Variants in NSMCE2 observed in about 807,000 individuals in gnomAD.
NSMCE2 encodes the protein NSE2 SUMO ligase component of SMC5/6 complex, also known as E3 SUMO-protein ligase NSE2.
A neutral mutation model predicts 23.8 loss-of-function variants in NSMCE2; 24 were observed. That is an observed-to-expected ratio of 1.01 (90% CI 0.73 to 1.42). The LOEUF is 1.42. Among genes scored for constraint, NSMCE2 ranks in the 40% most tolerant of loss-of-function variants. The probability of loss-of-function intolerance (pLI) is 0.00; values close to 1 mark genes in which losing one functional copy is unlikely to be tolerated. For synonymous variants in NSMCE2, 92 were observed against 94.1 expected, an observed-to-expected ratio of 0.98 and a Z score of 0.13; for missense variants, 284 against 296.5, an observed-to-expected ratio of 0.96 and a Z score of 0.31.
At chr8:125,260,718 A>G (rs1196559496) in intron 5 of NSMCE2, among the ~76,000 whole-genome samples, 1 of 151,580 alleles carries the variant, frequency 6.6e-6, no homozygotes, top group African/African-American at 2.4e-5. Context: ...TCCACCTCCC[A>G]GGTTCAAGTG....
At chr8:125,121,275 G>A (rs1819250272) in intron 3 of NSMCE2, among the ~76,000 whole-genome samples, 1 of 152,172 alleles carries the variant, frequency 6.6e-6, no homozygotes, top group African/African-American at 2.4e-5. Context: ...GACAGCAGTG[G>A]CAGATTTTAC....
chr8:125,117,796 A>G (rs1327571442), intron 3 of NSMCE2, among the ~76,000 whole-genome samples: 1 of 152,154 alleles, frequency 6.6e-6, no homozygotes, highest in Admixed American at 6.5e-5. Context: ...TGTTCATCTG[A>G]TGTCTTCAGA....
chr8:125,143,041 G>T (rs1396441134), intron 3 of NSMCE2, among the ~76,000 whole-genome samples: 1 of 152,062 alleles, frequency 6.6e-6, no homozygotes, highest in Non-Finnish European at 1.5e-5. Flanking sequence ...TTCAACTCCT[G>T]ATAAATATGT....
intron 5 of NSMCE2, among the ~76,000 whole-genome samples, chr8:125,225,563 A>G (rs1009553609): frequency 6.6e-6 from 1 of 152,184 alleles, no homozygotes; most frequent in African/African-American, 2.4e-5. Context: ...GAAAGTTCAA[A>G]GTCTAAGGGT....
chr8:125,154,787 A>G (rs1020905831), intron 4 of NSMCE2, among the ~76,000 whole-genome samples: 1 of 152,142 alleles, frequency 6.6e-6, no homozygotes, highest in African/African-American at 2.4e-5. Context: ...TTTTTTAATC[A>G]CTATTACTGC....
chr8:125,123,353 A>T (rs910970878), intron 3 of NSMCE2, among the ~76,000 whole-genome samples: 2 of 152,222 alleles, frequency 1.3e-5, no homozygotes, highest in Non-Finnish European at 2.9e-5. Flanking sequence ...ACTAAGTTCC[A>T]CAATATTTAC....
At chr8:125,361,119 T>G (rs1348557322) in intron 7 of NSMCE2, among the ~76,000 whole-genome samples, 1 of 149,996 alleles carries the variant, frequency 6.7e-6, no homozygotes, top group African/African-American at 2.5e-5. Flanking sequence ...TGAGACAGAG[T>G]CTCACTCTGT....
At position 125,171,373 on chromosome 8, in the gene NSMCE2, T is replaced by C. The variant is rs1014860150; in HGVS notation, c.265-10730T>C. Among the ~76,000 whole-genome samples, 6 of 152,252 alleles carry C rather than the reference T, an allele frequency of 3.9e-5. 1 individual carries two copies. Among genetic ancestry groups the C allele is most frequent in the African/African-American group, 1.4e-4 (6 of 41,466 alleles). ...GAAGTCTAGGGTTAGTAGTATGTCATGGACTTAGCGATATAACAGACCTGC... is the reference window on the plus strand; with the variant it reads ...GAAGTCTAGGGTTAGTAGTATGTCACGGACTTAGCGATATAACAGACCTGC... On this transcript the variant is annotated intron_variant, in intron 4 of 7. Coordinates refer to ENST00000287437, the MANE Select transcript of NSMCE2 (RefSeq NM_173685.4).
At chr8:125,107,322 T>A (rs1433638379) in intron 3 of NSMCE2, among the ~76,000 whole-genome samples, 1 of 151,522 alleles carries the variant, frequency 6.6e-6, no homozygotes, top group Admixed American at 6.6e-5. Context: ...GAGTCCTGAG[T>A]AGCTCGGATT....
At chr8:125,343,993 G>A (rs1377495968) in intron 5 of NSMCE2, among the ~76,000 whole-genome samples, 1 of 152,098 alleles carries the variant, frequency 6.6e-6, no homozygotes. Context: ...GGAACAGAGG[G>A]AGACTCCATC....
At chr8:125,223,986 A>C (rs1418735066) in intron 5 of NSMCE2, among the ~76,000 whole-genome samples, 1 of 151,876 alleles carries the variant, frequency 6.6e-6, no homozygotes, top group Non-Finnish European at 1.5e-5. Context: ...ACAGGCACAC[A>C]AAACCATGCC....
At chr8:125,273,274 G>A (rs1487309830) in intron 5 of NSMCE2, among the ~76,000 whole-genome samples, 3 of 152,120 alleles carry the variant, frequency 2.0e-5, no homozygotes, top group African/African-American at 7.2e-5. Context: ...AATATGGGAA[G>A]GTAATTTCAG....
At position 125,159,745 on chromosome 8, in the gene NSMCE2, C is replaced by T. The variant is rs947136393; in HGVS notation, c.264+8468C>T. Among the ~76,000 whole-genome samples the T allele has an allele frequency of 5.3e-5, 8 of 151,982 alleles. No homozygotes were observed. The East Asian group carries it at 7.7e-4, about 15-fold the overall frequency. ...AATTGCTCAGTTGGTGGATCACTTG[C>T]GGTCAGGAGTTCGAGACCAGCCTGC... On this transcript the variant is annotated intron_variant, in intron 4 of 7. Transcript: ENST00000287437.
intron 5 of NSMCE2, among the ~76,000 whole-genome samples, chr8:125,229,321 G>T (rs948754138): frequency 6.6e-6 from 1 of 152,142 alleles, no homozygotes; most frequent in South Asian, 2.1e-4. Flanking sequence ...CATTAGATTC[G>T]TAGTCTCAAC....
chr8:125,235,486 G>A (rs543423276), intron 5 of NSMCE2, among the ~76,000 whole-genome samples: 1 of 152,186 alleles, frequency 6.6e-6, no homozygotes, highest in East Asian at 1.9e-4. Context: ...TCATTTTTCT[G>A]TGCATAAGCA....
chr8:125,313,184 G>A (rs1205274592), intron 5 of NSMCE2, among the ~76,000 whole-genome samples: 2 of 141,188 alleles, frequency 1.4e-5, no homozygotes, highest in African/African-American at 5.3e-5. Flanking sequence ...AAGAAGGAAG[G>A]AGAAAGAAAG....
At chr8:125,283,587 T>C (rs138571048) in intron 5 of NSMCE2, among the ~76,000 whole-genome samples, 1 of 152,312 alleles carries the variant, frequency 6.6e-6, no homozygotes, top group East Asian at 1.9e-4. Flanking sequence ...TCTAACCAAC[T>C]GGAAACTGCT....
At chr8:125,253,707 T>C (rs1400032471) in intron 5 of NSMCE2, among the ~76,000 whole-genome samples, 1 of 152,212 alleles carries the variant, frequency 6.6e-6, no homozygotes, top group African/African-American at 2.4e-5. Context: ...AAATTAGTAT[T>C]GTGCCTTTCC....
chr8:125,119,022 G>A (rs1042413880), intron 3 of NSMCE2, among the ~76,000 whole-genome samples: 5 of 152,172 alleles, frequency 3.3e-5, no homozygotes, highest in Admixed American at 2.0e-4. Flanking sequence ...CAGTGGCCCA[G>A]TTGTATTTGG....
Sources: gnomAD v4.1 joint callset for allele counts (sites outside exome capture counted in the v4.1 genomes callset) on GRCh38, gnomAD v4.1.1 for gene constraint, MANE v1.5 for transcripts, NCBI Gene and HGNC (gene_info 2026-07-23, HGNC 2026-07-21) for gene names.